The following CCDC150 variants were observed in gnomAD, a reference collection of about 807,000 sequenced individuals.
CCDC150 encodes coiled-coil domain-containing protein 150.
Under a neutral mutation model 156.5 loss-of-function variants are expected in CCDC150, and 151 were observed. That is an observed-to-expected ratio of 0.97 (90% CI 0.85 to 1.10). CCDC150 has a LOEUF of 1.10. CCDC150 is among the 50% of genes least tolerant of loss of function. The probability of loss-of-function intolerance (pLI) is 0.00; values close to 1 mark genes in which losing one functional copy is unlikely to be tolerated. For synonymous variants in CCDC150, 452 were observed against 429.4 expected (o/e 1.05, Z -0.65); for missense variants, 1,312 against 1,268.1 (o/e 1.03, Z -0.53).
intron 8 of CCDC150, 64 bp downstream of exon 8, chr2:196,669,940 C>G (rs1190483795): frequency 3.2e-6 from 4 of 1,230,802 alleles, no homozygotes; most frequent in Non-Finnish European, 3.5e-6. Flanking sequence ...CCTATTTCCT[C>G]TTCCATGTTG....
chr2:196,709,145 A>C (rs1427296645), intron 15 of CCDC150, among the ~76,000 whole-genome samples: 2 of 152,208 alleles, frequency 1.3e-5, no homozygotes, highest in African/African-American at 4.8e-5. Flanking sequence ...TACACCAATC[A>C]AACGTAGATT....
At chr2:196,686,344 TTA>T (rs1695128591) in intron 13 of CCDC150, 2 of 153,698 alleles carry the variant, frequency 1.3e-5, no homozygotes, top group South Asian at 4.0e-4. Context: ...TATTGTAGCT[TTA>T]TAATAAATCG....
chr2:196,697,937 G>A (rs1017338887), intron 14 of CCDC150, among the ~76,000 whole-genome samples: 5 of 152,038 alleles, frequency 3.3e-5, no homozygotes, highest in African/African-American at 1.2e-4. Context: ...TGGTATCTTT[G>A]TGTTTCTGAG....
At chr2:196,711,906 A>G (rs1697142758) in intron 15 of CCDC150, among the ~76,000 whole-genome samples, 1 of 152,174 alleles carries the variant, frequency 6.6e-6, no homozygotes. Context: ...TATAAGCACT[A>G]GAAACCAAAT....
In CCDC150 at chr2:196,672,442, A is replaced by G; in HGVS notation, c.1029+5A>G. 3 of 1,431,106 alleles carry G rather than the reference A, an allele frequency of 2.1e-6. No homozygotes were observed. Among genetic ancestry groups the G allele is most frequent in the South Asian group, 1.5e-5 (1 of 67,082 alleles). 88.7% of individuals were successfully genotyped at this position (1,431,106 alleles called of 1,614,324 possible). A position where few individuals can be genotyped will look rare whatever the true frequency, so the allele number is the denominator to read the frequency against. On this transcript the variant is annotated splice_donor_5th_base_variant and intron_variant, in intron 9 of 27. Transcript: ENST00000389175. ...GAAGCATCAGAAAAAGCACAAGTAA[A>G]TGCTCATGATTTTGTTAGTTTTTAG...
At chr2:196,660,191 A>G (rs943356375) in intron 5 of CCDC150, among the ~76,000 whole-genome samples, 5 of 152,150 alleles carry the variant, frequency 3.3e-5, no homozygotes, top group African/African-American at 9.7e-5. Context: ...ATGTACCACA[A>G]TTTGTTTATC....
At chr2:196,698,281 G>A (rs1320498311) in intron 14 of CCDC150, among the ~76,000 whole-genome samples, 1 of 152,090 alleles carries the variant, frequency 6.6e-6, no homozygotes, top group Non-Finnish European at 1.5e-5. Flanking sequence ...AAATAAGTGA[G>A]CCTTTGTCAA....
At chr2:196,673,017 A>T (rs1029854309) in intron 9 of CCDC150, among the ~76,000 whole-genome samples, 1 of 152,138 alleles carries the variant, frequency 6.6e-6, no homozygotes, top group Non-Finnish European at 1.5e-5. Flanking sequence ...CTCTTGGTAC[A>T]ATTTGATTGT....
rs376832395 is a variant in CCDC150, at chr2:196,730,939, A to C, written c.3063A>C (p.Ser1021=). Residue 1021 remains serine, a synonymous_variant, in exon 26 of 28, where the codon TCA becomes TCC. Coordinates refer to ENST00000389175, the MANE Select transcript of CCDC150 (RefSeq NM_001080539.2). Reference sequence around the variant, plus strand: ...CGCTGAAAGAAGCCAGTGTGGAATCAGAACAGGTGAGCCAGACCCACGGAC... The same window carrying C: ...CGCTGAAAGAAGCCAGTGTGGAATCCGAACAGGTGAGCCAGACCCACGGAC... The part of the protein sequence containing the change: ...ENTLKEASVE[S]EQITANLEEA... 3 of 1,593,894 alleles carry C rather than the reference A, an allele frequency of 1.9e-6. No individual in the cohort carries two copies. Among genetic ancestry groups the C allele is most frequent in the Non-Finnish European group, 2.6e-6 (3 of 1,170,036 alleles).
In CCDC150 at chr2:196,676,347, A is replaced by T. The variant is rs188996565; in HGVS notation, c.1262+80A>T. 3,331 of 1,522,936 alleles carry T rather than the reference A, an allele frequency of 2.2e-3. 65 individuals carry two copies. The African/African-American group carries it at 0.041, about 19-fold the overall frequency. 94.3% of individuals were successfully genotyped at this position (1,522,936 alleles called of 1,614,324 possible). A position where few individuals can be genotyped will look rare whatever the true frequency, so the allele number is the denominator to read the frequency against. On this transcript the variant is annotated intron_variant, in intron 11 of 27. Transcript: ENST00000389175. ...CTTATCATGTGTCCGTCTCAGTCTT[A>T]TCGTCAATGAAAACATTTGATTCTG... is the stretch of plus-strand genomic sequence containing the variant.
rs1174754824 is a variant in CCDC150, at chr2:196,712,138, C to G, written c.1696-7C>G. 4 of 1,401,586 alleles carry G rather than the reference C, an allele frequency of 2.9e-6. No individual in the cohort carries two copies. The highest frequency in any genetic ancestry group is 2.9e-6 in the Non-Finnish European group (3 of 1,040,870). 86.8% of individuals were successfully genotyped at this position (1,401,586 alleles called of 1,614,324 possible). ...AAATTTTTTTTGTATTTTTGTTTTT[C>G]CTCTAGATAAAAGTTAAACAGCTAG... On this transcript the variant is annotated splice_polypyrimidine_tract_variant and splice_region_variant and intron_variant, in intron 15 of 27. Coordinates refer to ENST00000389175, the MANE Select transcript of CCDC150 (RefSeq NM_001080539.2).
intron 5 of CCDC150, among the ~76,000 whole-genome samples, chr2:196,664,840 T>A (rs555965520): frequency 6.6e-5 from 10 of 152,288 alleles, no homozygotes; most frequent in Admixed American, 6.5e-4. Flanking sequence ...AAGTTTTTTA[T>A]GAGCTGTGTG....
At chr2:196,692,422 C>G (rs1038902086) in intron 13 of CCDC150, among the ~76,000 whole-genome samples, 4 of 152,148 alleles carry the variant, frequency 2.6e-5, no homozygotes, top group African/African-American at 4.8e-5. Flanking sequence ...GCGTGAGCCA[C>G]CGCGCCCGGC....
intron 21 of CCDC150, among the ~76,000 whole-genome samples, chr2:196,723,022 C>T (rs1698012982): frequency 6.6e-6 from 1 of 152,196 alleles, no homozygotes; most frequent in Non-Finnish European, 1.5e-5. Context: ...AATCAACCTT[C>T]TTTACTTGAG....
At position 196,691,647 on chromosome 2, in the gene CCDC150, T is replaced by TA. The variant is rs754404242; in HGVS notation, c.1510-3395dup. Among the ~76,000 whole-genome samples the TA allele has an allele frequency of 3.2e-3, 483 of 150,716 alleles. 3 individuals carry two copies. The highest frequency in any genetic ancestry group is 9.9e-3 in the African/African-American group (408 of 41,136). The stretch of plus-strand genomic sequence containing the variant: ...AGAAGTCTATCTATTTTTTTTTTTT[T>TA]AAAACAGCTCCCGGGCTGGACACGG... On this transcript the variant is annotated intron_variant, in intron 13 of 27. Transcript: ENST00000389175.
intron 15 of CCDC150, among the ~76,000 whole-genome samples, chr2:196,707,627 G>C (rs914167914): frequency 6.6e-6 from 1 of 152,104 alleles, no homozygotes; most frequent in Non-Finnish European, 1.5e-5. Flanking sequence ...GATCTTTCCT[G>C]CTTTCTCTTG....
chr2:196,681,360 ATTTG>A (rs892411107), intron 13 of CCDC150, among the ~76,000 whole-genome samples: 2 of 152,152 alleles, frequency 1.3e-5, no homozygotes, highest in African/African-American at 4.8e-5. Flanking sequence ...CACACACCAA[ATTTG>A]TTTATCTGTC....
Position 196,677,292 on chromosome 2 carries a change from G to C in CCDC150, c.1441-1G>C, listed in dbSNP as rs1694569989. The C allele has an allele frequency of 6.4e-7, 1 of 1,564,100 alleles. No homozygotes were observed. Among genetic ancestry groups the C allele is most frequent in the African/African-American group, 1.4e-5 (1 of 73,754 alleles). On this transcript the variant is annotated splice_acceptor_variant, in intron 12 of 27. Coordinates refer to ENST00000389175, the MANE Select transcript of CCDC150 (RefSeq NM_001080539.2). LOFTEE classifies it high-confidence loss of function. ...TTTTTTTTCCCATCCTCCTTGGGCA[G>C]GTTAATAAAACAGAAAAAGAAATAG...
intron 14 of CCDC150, among the ~76,000 whole-genome samples, chr2:196,700,042 C>T (rs539713977): frequency 1.3e-5 from 2 of 152,222 alleles, no homozygotes; most frequent in East Asian, 3.9e-4. Flanking sequence ...TGGGTTTTAT[C>T]TTATCAGCTT....
Sources: gnomAD v4.1 joint callset for allele counts (sites outside exome capture counted in the v4.1 genomes callset) on GRCh38, gnomAD v4.1.1 for gene constraint, MANE v1.5 for transcripts, NCBI Gene and HGNC (gene_info 2026-07-23, HGNC 2026-07-21) for gene names.